The following KAZN variants were observed in gnomAD, a reference collection of about 807,000 sequenced individuals.
KAZN encodes kazrin, periplakin interacting protein, also known as kazrin.
A neutral mutation model predicts 87.4 loss-of-function variants in KAZN; 40 were observed. The observed-to-expected ratio is 0.46, with a 90% CI of 0.36 to 0.60. KAZN has a LOEUF of 0.60. KAZN is among the 20% of genes least tolerant of loss of function. The probability of loss-of-function intolerance (pLI) is 0.00; values close to 1 mark genes in which losing one functional copy is unlikely to be tolerated. For missense variants in KAZN, 898 were observed against 1,073.9 expected (o/e 0.84, Z 2.29); for synonymous variants, 466 against 458.3 (o/e 1.02, Z -0.22).
intron 2 of KAZN, among the ~76,000 whole-genome samples, chr1:15,024,905 T>C (rs1463027302): frequency 6.6e-6 from 1 of 152,060 alleles, no homozygotes; most frequent in East Asian, 1.9e-4. Context: ...GGACTGATGC[T>C]CAGGGTTCTG....
chr1:14,479,494 G>T (rs1668951854), intron 2 of KAZN, among the ~76,000 whole-genome samples: 1 of 152,176 alleles, frequency 6.6e-6, no homozygotes, highest in Admixed American at 6.5e-5. Flanking sequence ...CTAGTGGTTT[G>T]CTCTCTGCAT....
At chr1:14,397,876 A>T (rs1232093787) in intron 2 of KAZN, among the ~76,000 whole-genome samples, 3 of 151,598 alleles carry the variant, frequency 2.0e-5, no homozygotes, top group African/African-American at 4.8e-5. Context: ...AAAAAAAAAA[A>T]AAAAAAGGCA....
chr1:13,892,831 C>G (rs1638884404), exon 1 of KAZN: 1 of 152,348 alleles, frequency 6.6e-6, no homozygotes, highest in Admixed American at 6.5e-5. Flanking sequence ...TCCAGAATAT[C>G]TCCCAGGAAC....
intron 10 of KAZN, among the ~76,000 whole-genome samples, chr1:15,097,381 G>A (rs143976738): frequency 5.7e-4 from 86 of 152,174 alleles, no homozygotes; most frequent in African/African-American, 2.0e-3. Context: ...GCATGATGGC[G>A]TCCTCTCTGG....
chr1:15,065,871 CGCGTGTGGCCGTGCGTGGGGT>C, intron 8 of KAZN, 118 bp downstream of exon 8: 1 of 1,527,158 alleles, frequency 6.5e-7, no homozygotes, highest in Non-Finnish European at 8.8e-7. Context: ...AGCGTGGGTG[CGCGTGTGGCCGTGCGTGGGGT>C]GCGTGTGCAC....
intron 2 of KAZN, among the ~76,000 whole-genome samples, chr1:14,489,914 A>G (rs1669559899): frequency 6.6e-6 from 1 of 152,152 alleles, no homozygotes; most frequent in Non-Finnish European, 1.5e-5. Context: ...TTGCCTACAT[A>G]TCTGACTGTT....
At chr1:15,005,467 GT>G (rs1161663557) in intron 2 of KAZN, among the ~76,000 whole-genome samples, 1 of 152,060 alleles carries the variant, frequency 6.6e-6, no homozygotes, top group Non-Finnish European at 1.5e-5. Context: ...GTTTTGTTTT[GT>G]TTTGTTTTTC....
chr1:15,072,577 G>A (rs1639561348), intron 8 of KAZN, among the ~76,000 whole-genome samples: 1 of 152,226 alleles, frequency 6.6e-6, no homozygotes, highest in Non-Finnish European at 1.5e-5. Context: ...CACTTATGCA[G>A]TATTTTCTTT....
At chr1:14,334,577 G>A (rs1238100161) in intron 2 of KAZN, among the ~76,000 whole-genome samples, 1 of 152,106 alleles carries the variant, frequency 6.6e-6, no homozygotes, top group African/African-American at 2.4e-5. Context: ...AAGAGGTGTG[G>A]CCATCGTAAG....
At chr1:14,011,766 T>C (rs1055981415) in intron 1 of KAZN, among the ~76,000 whole-genome samples, 4 of 152,178 alleles carry the variant, frequency 2.6e-5, no homozygotes, top group Admixed American at 2.6e-4. Context: ...ACTTACTTCA[T>C]AGAATTGTTG....
chr1:14,406,639 A>G (rs1663876641), intron 2 of KAZN, among the ~76,000 whole-genome samples: 2 of 152,178 alleles, frequency 1.3e-5, no homozygotes, highest in Non-Finnish European at 2.9e-5. Flanking sequence ...AATCACCACT[A>G]AAAAACGTAC....
chr1:14,317,689 C>G (rs1274941843), intron 2 of KAZN, among the ~76,000 whole-genome samples: 1 of 151,670 alleles, frequency 6.6e-6, no homozygotes, highest in Non-Finnish European at 1.5e-5. Flanking sequence ...ATTAGCTATA[C>G]AGTGAGTCTT....
intron 2 of KAZN, among the ~76,000 whole-genome samples, chr1:14,366,477 A>G (rs1390307763): frequency 6.6e-6 from 1 of 152,248 alleles, no homozygotes; most frequent in Non-Finnish European, 1.5e-5. Context: ...TAAGCCCTTC[A>G]CTGGCGGGAA....
At chr1:14,353,336 T>A (rs1025982523) in intron 2 of KAZN, among the ~76,000 whole-genome samples, 2 of 70,066 alleles carry the variant, frequency 2.9e-5, no homozygotes, top group African/African-American at 1.7e-4. Context: ...GCCATTCTCC[T>A]GCCTCAGCCT....
rs532395772 is a variant in KAZN, at chr1:14,171,055, T to A, written c.92-9380T>A. On this transcript the variant is annotated intron_variant, in intron 1 of 16. Coordinates refer to the KAZN transcript ENST00000636203. The stretch of plus-strand genomic sequence containing the variant: ...AATGGAATTACAAGGTGTGGTCTTT[T>A]GTGTCCGGTTTTCATTTAGCATAAT... Among the ~76,000 whole-genome samples the A allele has an allele frequency of 3.9e-4, 60 of 152,368 alleles. No individual in the cohort carries two copies. The East Asian group carries it at 8.1e-3, about 21-fold the overall frequency.
chr1:14,937,314 G>A (rs1311053759), intron 1 of KAZN, among the ~76,000 whole-genome samples: 1 of 152,126 alleles, frequency 6.6e-6, no homozygotes, highest in East Asian at 1.9e-4. Context: ...ACCTACTTGG[G>A]GCCAGCTCCC....
intron 1 of KAZN, among the ~76,000 whole-genome samples, chr1:14,070,772 C>T (rs2101555591): frequency 6.6e-6 from 1 of 152,242 alleles, no homozygotes; most frequent in African/African-American, 2.4e-5. Context: ...GCTGCCAGCC[C>T]TCACAATGCC....
intron 1 of KAZN, among the ~76,000 whole-genome samples, chr1:14,734,308 CTTTTT>C (rs57677032): frequency 2.5e-5 from 3 of 118,140 alleles, no homozygotes; most frequent in Admixed American, 8.9e-5. Flanking sequence ...TTTTTCTTTT[CTTTTT>C]TTTTTTTTTT....
At chr1:14,026,209 CAAT>C (rs1206875008) in intron 1 of KAZN, among the ~76,000 whole-genome samples, 2 of 152,134 alleles carry the variant, frequency 1.3e-5, no homozygotes, top group East Asian at 3.9e-4. Context: ...TTAATCCTCC[CAAT>C]GAGAGCTCAG....
Sources: gnomAD v4.1 joint callset for allele counts (sites outside exome capture counted in the v4.1 genomes callset) on GRCh38, gnomAD v4.1.1 for gene constraint, MANE v1.5 for transcripts, NCBI Gene and HGNC (gene_info 2026-07-23, HGNC 2026-07-21) for gene names.